The following ITGA9 variants were observed in gnomAD, a reference collection of about 807,000 sequenced individuals.
ITGA9 encodes integrin subunit alpha 9.
In ITGA9, 56 loss-of-function variants were observed where a neutral mutation model predicts 127.8. That is an observed-to-expected ratio of 0.44 (90% CI 0.35 to 0.55). ITGA9 has a LOEUF of 0.55. ITGA9 is among the 20% of genes least tolerant of loss of function. ITGA9 has a pLI of 0.00. For synonymous variants in ITGA9, 508 were observed against 514.5 expected, an observed-to-expected ratio of 0.99 and a Z score of 0.17; for missense variants, 1,196 against 1,347.1, an observed-to-expected ratio of 0.89 and a Z score of 1.76.
At chr3:37,643,308 T>C (rs1700349665) in intron 16 of ITGA9, among the ~76,000 whole-genome samples, 1 of 152,176 alleles carries the variant, frequency 6.6e-6, no homozygotes, top group Admixed American at 6.5e-5. Context: ...CCATCTAGTT[T>C]GAAGTATGTG....
intron 18 of ITGA9, among the ~76,000 whole-genome samples, chr3:37,699,058 G>A (rs932068471): frequency 2.0e-5 from 3 of 151,930 alleles, no homozygotes; most frequent in Non-Finnish European, 4.4e-5. Context: ...CTTCTCACTC[G>A]CCACTCCTTT....
chr3:37,585,980 A>C (rs1699755977), intron 15 of ITGA9, among the ~76,000 whole-genome samples: 1 of 152,182 alleles, frequency 6.6e-6, no homozygotes, highest in Non-Finnish European at 1.5e-5. Context: ...TCTGCTTATG[A>C]TTCTCACGTT....
At chr3:37,507,346 T>C (rs1698855913) in intron 7 of ITGA9, among the ~76,000 whole-genome samples, 1 of 152,198 alleles carries the variant, frequency 6.6e-6, no homozygotes, top group South Asian at 2.1e-4. Context: ...ATGGTAAAAA[T>C]GCCTACGTCT....
At chr3:37,688,355 G>A (rs1700800465) in intron 18 of ITGA9, among the ~76,000 whole-genome samples, 1 of 152,120 alleles carries the variant, frequency 6.6e-6, no homozygotes, top group African/African-American at 2.4e-5. Flanking sequence ...AGCCAAATAA[G>A]CATAGAATGA....
chr3:37,478,240 C>T lies in ITGA9; in HGVS notation c.421-3244C>T, dbSNP rs371865223. Reference sequence around the variant, plus strand: ...CTTAGCAGCCAGGCCCAGTTGTGGCCGTGCACTGTGGACCTGGATGCATGA... The same window carrying T: ...CTTAGCAGCCAGGCCCAGTTGTGGCTGTGCACTGTGGACCTGGATGCATGA... On this transcript the variant is annotated intron_variant, in intron 3 of 27. Transcript: ENST00000264741. 7.6e-4 allele frequency among the ~76,000 whole-genome samples: 116 copies of T among 152,208 alleles called. 2 individuals are homozygous for T. The South Asian group carries it at 0.023, about 31-fold the overall frequency.
intron 1 of ITGA9, among the ~76,000 whole-genome samples, chr3:37,456,288 G>A (rs116826675): frequency 0.014 from 2,146 of 152,252 alleles, 47 homozygotes; most frequent in African/African-American, 0.049. Context: ...AACACCCAGA[G>A]TGTCTGCCTG....
intron 15 of ITGA9, among the ~76,000 whole-genome samples, chr3:37,580,898 C>A (rs1699703109): frequency 6.6e-6 from 1 of 152,218 alleles, no homozygotes; most frequent in Non-Finnish European, 1.5e-5. Context: ...ATTACTGGCT[C>A]TGTGACTCTG....
chr3:37,695,788 G>T (rs1700878761), intron 18 of ITGA9, among the ~76,000 whole-genome samples: 1 of 152,210 alleles, frequency 6.6e-6, no homozygotes, highest in African/African-American at 2.4e-5. Flanking sequence ...TAACAGAAAA[G>T]CCACCTTTTT....
At chr3:37,551,368 C>A (rs1348307187) in intron 15 of ITGA9, among the ~76,000 whole-genome samples, 1 of 152,120 alleles carries the variant, frequency 6.6e-6, no homozygotes, top group Non-Finnish European at 1.5e-5. Flanking sequence ...TTGGAGGGGA[C>A]TGGGGGTTAT....
At position 37,586,893 on chromosome 3, in the gene ITGA9, C is replaced by T. The variant is rs1189465867; in HGVS notation, c.1690-42294C>T. Reference sequence around the variant, plus strand: ...ACATTTAGCTCCTTTTCTTCCTTTCCATCCCAAATCCACACCCTTTCTTCT... The same window carrying T: ...ACATTTAGCTCCTTTTCTTCCTTTCTATCCCAAATCCACACCCTTTCTTCT... On this transcript the variant is annotated intron_variant, in intron 15 of 27. Transcript: ENST00000264741. Among the ~76,000 whole-genome samples, 32 of 152,178 alleles carry T rather than the reference C, an allele frequency of 2.1e-4. 1 individual carries two copies. Among genetic ancestry groups the T allele is most frequent in the Admixed American group, 2.1e-3 (32 of 15,276 alleles).
At chr3:37,750,346 G>A (rs759730104) in intron 22 of ITGA9, 116 bp from the exon 23 acceptor site, 25 of 738,680 alleles carry the variant, frequency 3.4e-5, no homozygotes, top group Admixed American at 3.2e-4. Flanking sequence ...TTCCAGATCC[G>A]AACCTTAGAG....
At chr3:37,700,249 G>A (rs1286322948) in intron 18 of ITGA9, among the ~76,000 whole-genome samples, 1 of 152,178 alleles carries the variant, frequency 6.6e-6, no homozygotes, top group Non-Finnish European at 1.5e-5. Context: ...CTCCCAAAGT[G>A]CTGGGATGAC....
intron 15 of ITGA9, among the ~76,000 whole-genome samples, chr3:37,551,138 G>A (rs551347220): frequency 3.9e-4 from 60 of 152,278 alleles, no homozygotes; most frequent in African/African-American, 1.4e-3. Context: ...TTGTACATTG[G>A]TTCAGAGGTA....
At chr3:37,514,538 G>T (rs988570978) in intron 9 of ITGA9, among the ~76,000 whole-genome samples, 1 of 152,124 alleles carries the variant, frequency 6.6e-6, no homozygotes, top group Admixed American at 6.5e-5. Context: ...AGCATGGGGG[G>T]GCAGGGGACT....
intron 5 of ITGA9, among the ~76,000 whole-genome samples, chr3:37,496,661 T>G (rs1698733683): frequency 6.6e-6 from 1 of 152,244 alleles, no homozygotes; most frequent in Non-Finnish European, 1.5e-5. Context: ...CTCAGGACTT[T>G]CTGGTGTCTT....
At chr3:37,506,710 TG>T (rs1277082761) in intron 7 of ITGA9, among the ~76,000 whole-genome samples, 1 of 152,216 alleles carries the variant, frequency 6.6e-6, no homozygotes, top group Non-Finnish European at 1.5e-5. Flanking sequence ...GAACTACGCT[TG>T]TTGGTTCTTT....
At position 37,812,405 on chromosome 3, in the gene ITGA9, C is replaced by A. The variant is rs529598174; in HGVS notation, c.3010-6486C>A. On this transcript the variant is annotated intron_variant, in intron 27 of 27. Coordinates refer to ENST00000264741, the MANE Select transcript of ITGA9 (RefSeq NM_002207.3). ...TAGGATCCCCCAAGAGACCAGATGT[C>A]ATGGTGTTGTCCAGCTGGTCCCTCT... 5.9e-5 allele frequency among the ~76,000 whole-genome samples: 9 copies of A among 152,318 alleles called. No homozygotes were observed. The South Asian group carries it at 1.9e-3, about 32-fold the overall frequency.
intron 9 of ITGA9, 111 bp downstream of exon 9, chr3:37,514,011 G>T: frequency 1.9e-5 from 24 of 1,297,090 alleles, no homozygotes; most frequent in Non-Finnish European, 2.7e-5. Flanking sequence ...GTTACCCAGA[G>T]GAGATGAAAA....
intron 18 of ITGA9, among the ~76,000 whole-genome samples, chr3:37,698,354 G>A (rs2125671344): frequency 6.6e-6 from 1 of 152,238 alleles, no homozygotes; most frequent in Non-Finnish European, 1.5e-5. Context: ...GATCCCATTT[G>A]TCAATTTTGG....
Sources: allele counts gnomAD v4.1 joint callset (sites outside exome capture counted in the v4.1 genomes callset), GRCh38; gene constraint gnomAD v4.1.1; transcripts MANE v1.5; gene names NCBI Gene and HGNC (gene_info 2026-07-23, HGNC 2026-07-21).